Variants in AKR1C3 observed in about 807,000 individuals in gnomAD.
The protein encoded by AKR1C3 is aldo-keto reductase family 1 member C3, also known as 3-alpha hydroxysteroid dehydrogenase, type II.
A neutral mutation model predicts 43.6 loss-of-function variants in AKR1C3; 48 were observed. That is an observed-to-expected ratio of 1.10 (90% CI 0.87 to 1.40). The LOEUF (loss-of-function observed/expected upper bound fraction) is 1.40. Ranked by LOEUF, AKR1C3 falls within the 40% of genes most tolerant of loss-of-function variation. The pLI, the probability that AKR1C3 is intolerant of heterozygous loss-of-function variation, is 0.00. For synonymous variants in AKR1C3, 162 were observed against 139.6 expected (o/e 1.16, Z -1.13); for missense variants, 482 against 391.2 (o/e 1.23, Z -1.96).
At chr10:5,078,804 T>C (rs997779695) in intron 1 of AKR1C3, among the ~76,000 whole-genome samples, 8 of 152,238 alleles carry the variant, frequency 5.3e-5, no homozygotes, top group South Asian at 4.1e-4. Flanking sequence ...ATATTTGCCA[T>C]TGAAGCAAGG....
intron 1 of AKR1C3, among the ~76,000 whole-genome samples, chr10:5,086,175 C>T (rs1454328020): frequency 6.6e-6 from 1 of 151,790 alleles, no homozygotes; most frequent in African/African-American, 2.4e-5. Context: ...GTTAGGGTGT[C>T]AGTTTTACAT....
intron 1 of AKR1C3, among the ~76,000 whole-genome samples, chr10:5,062,001 A>C (rs1372571915): frequency 6.6e-6 from 1 of 152,252 alleles, no homozygotes; most frequent in Non-Finnish European, 1.5e-5. Context: ...CAAAGTTTTC[A>C]AACTTTAGTA....
At chr10:5,101,910 G>A (rs1242316332) in intron 5 of AKR1C3, among the ~76,000 whole-genome samples, 191 bp from the exon 6 acceptor site, 1 of 152,036 alleles carries the variant, frequency 6.6e-6, no homozygotes, top group Non-Finnish European at 1.5e-5. Flanking sequence ...TTCAGAAATG[G>A]CATTTCCATT....
chr10:5,081,117 C>G (rs1838829039), intron 1 of AKR1C3, among the ~76,000 whole-genome samples: 1 of 152,026 alleles, frequency 6.6e-6, no homozygotes, highest in South Asian at 2.1e-4. Context: ...TGTTGGAATG[C>G]AGGATCTGGA....
Position 5,066,630 on chromosome 10 carries a change from A to G in AKR1C3, c.84+17735A>G, listed in dbSNP as rs557127733. Among the ~76,000 whole-genome samples the G allele has an allele frequency of 4.0e-4, 61 of 152,320 alleles. 1 individual carries two copies. The South Asian group carries it at 5.6e-3, about 14-fold the overall frequency. On this transcript the variant is annotated intron_variant, in intron 1 of 8. Coordinates refer to the AKR1C3 transcript ENST00000439082. ...AGAGTTTGGAGTATGGTGCTCATCG[A>G]AGGTCCCCATAAGCCAAACCTCCTA...
intron 1 of AKR1C3, among the ~76,000 whole-genome samples, chr10:5,079,347 C>A (rs1838780897): frequency 1.3e-5 from 2 of 151,958 alleles, no homozygotes; most frequent in African/African-American, 4.8e-5. Flanking sequence ...TTTGATCTTG[C>A]TGTTAAGAGG....
chr10:5,070,780 C>G (rs1838600554), intron 1 of AKR1C3, among the ~76,000 whole-genome samples: 1 of 152,190 alleles, frequency 6.6e-6, no homozygotes, highest in African/African-American at 2.4e-5. Context: ...GAAGCAGGGC[C>G]TCACTAGACA....
chr10:5,053,687 C>T (rs1280069337), intron 1 of AKR1C3, among the ~76,000 whole-genome samples: 2 of 152,224 alleles, frequency 1.3e-5, no homozygotes, highest in South Asian at 2.1e-4. Flanking sequence ...ACAGGACACC[C>T]TAACTGCTGT....
chr10:5,090,578 AGGT>A (rs1554784014), upstream of AKR1C3, among the ~76,000 whole-genome samples: 1 of 152,132 alleles, frequency 6.6e-6, no homozygotes, highest in Non-Finnish European at 1.5e-5. Flanking sequence ...ATGTAGTGTG[AGGT>A]GGTAATGCTG....
At chr10:5,085,559 G>A (rs546961214) in intron 1 of AKR1C3, among the ~76,000 whole-genome samples, 2 of 151,792 alleles carry the variant, frequency 1.3e-5, no homozygotes, top group Non-Finnish European at 2.9e-5. Flanking sequence ...GTCTCTGCCA[G>A]GCTTTGGTAT....
chr10:5,087,734 GCTGA>G lies in AKR1C3; in HGVS notation c.85-8673_85-8670del, dbSNP rs1489908808. 2.0e-4 allele frequency among the ~76,000 whole-genome samples: 30 copies of G among 151,512 alleles called. 1 individual carries two copies. Among genetic ancestry groups the G allele is most frequent in the African/African-American group, 4.6e-4 (19 of 41,340 alleles). ...ATTCTTTTTTTTTCTTTGTTAGCTAGCTGACTATCAATTTTGTTTATCCTTTCAA... is the reference window on the plus strand; with the variant it reads ...ATTCTTTTTTTTTCTTTGTTAGCTAGCTATCAATTTTGTTTATCCTTTCAA... On this transcript the variant is annotated intron_variant, in intron 1 of 8. Coordinates refer to the AKR1C3 transcript ENST00000439082.
chr10:5,097,158 A>T (rs1386542049), intron 2 of AKR1C3, among the ~76,000 whole-genome samples: 1 of 152,150 alleles, frequency 6.6e-6, no homozygotes, highest in East Asian at 1.9e-4. Context: ...ACTGAAGATA[A>T]TTCAGGTAAC....
At chr10:5,060,006 G>A (rs570456776) in intron 1 of AKR1C3, among the ~76,000 whole-genome samples, 12 of 152,228 alleles carry the variant, frequency 7.9e-5, no homozygotes, top group East Asian at 7.7e-4. Flanking sequence ...GCATGGTCTC[G>A]CTGGCTCAGG....
intron 1 of AKR1C3, chr10:5,082,034 A>C (rs1271984760): frequency 6.6e-6 from 1 of 152,168 alleles, no homozygotes; most frequent in East Asian, 1.9e-4. Context: ...GTACTTTATC[A>C]TAAGAGGAAA....
At chr10:5,093,574 C>A (rs1205133690), upstream of AKR1C3, 1 of 152,008 alleles carries the variant, frequency 6.6e-6, no homozygotes, top group African/African-American at 2.4e-5. Context: ...AATTAATTTC[C>A]AGTTTTTCCT....
chr10:5,057,512 AG>A (rs1838286866), intron 1 of AKR1C3, among the ~76,000 whole-genome samples: 1 of 152,068 alleles, frequency 6.6e-6, no homozygotes, highest in Admixed American at 6.5e-5. Flanking sequence ...TTGACCCTCG[AG>A]TGATTTGGGT....
rs782025453 is a variant in AKR1C3 at position 5,099,457 on chromosome 10, C to T, written c.570+8C>T. 7 of 1,614,144 alleles carry T rather than the reference C, an allele frequency of 4.3e-6. No individual in the cohort carries two copies. Among genetic ancestry groups the T allele is most frequent in the Admixed American group, 1.7e-5 (1 of 60,022 alleles). On this transcript the variant is annotated splice_region_variant and intron_variant, in intron 5 of 8. Transcript: ENST00000380554. Reference sequence around the variant, plus strand: ...AAGCCTGTCTGCAACCAGGTGAGCTCCCTTGGCCTTCTCTCCTTTCGGTTC... The same window carrying T: ...AAGCCTGTCTGCAACCAGGTGAGCTTCCTTGGCCTTCTCTCCTTTCGGTTC...
chr10:5,086,545 A>G (rs925975207), intron 1 of AKR1C3, among the ~76,000 whole-genome samples: 3 of 151,742 alleles, frequency 2.0e-5, no homozygotes, highest in Non-Finnish European at 4.4e-5. Context: ...AAAAGAATGT[A>G]TGTTCTATTG....
At chr10:5,060,390 G>C (rs782002479) in intron 1 of AKR1C3, among the ~76,000 whole-genome samples, 14 of 152,184 alleles carry the variant, frequency 9.2e-5, no homozygotes, top group Non-Finnish European at 2.1e-4. Context: ...GTGCTGATTG[G>C]TGCATTTACA....
Sources: gnomAD v4.1 joint callset for allele counts (sites outside exome capture counted in the v4.1 genomes callset) on GRCh38, gnomAD v4.1.1 for gene constraint, MANE v1.5 for transcripts, NCBI Gene and HGNC (gene_info 2026-07-23, HGNC 2026-07-21) for gene names.